The following UNC5C variants were observed in gnomAD, a reference collection of about 807,000 sequenced individuals.
UNC5C encodes the protein unc-5 netrin receptor C.
Under a neutral mutation model 99.8 loss-of-function variants are expected in UNC5C, and 47 were observed. That is an observed-to-expected ratio of 0.47 (90% CI 0.37 to 0.60). The LOEUF is 0.60. Among genes scored for constraint, UNC5C ranks in the 20% least tolerant of loss-of-function variants. The pLI is 0.00. For synonymous variants in UNC5C, 487 were observed against 452.2 expected (o/e 1.08, Z -0.98); for missense variants, 1,062 against 1,165.9 (o/e 0.91, Z 1.30).
At chr4:95,548,115 G>C (rs921362817) in intron 1 of UNC5C, among the ~76,000 whole-genome samples, 1 of 152,098 alleles carries the variant, frequency 6.6e-6, no homozygotes, top group African/African-American at 2.4e-5. Flanking sequence ...GCACATCCCG[G>C]GCCTGCCTCC....
At chr4:95,378,440 T>G (rs12644448) in intron 1 of UNC5C, among the ~76,000 whole-genome samples, 72,957 of 151,956 alleles carry the variant, frequency 0.48, 18,379 homozygotes, top group East Asian at 0.78. Flanking sequence ...TGGCTGATGA[T>G]CATTTCAGAA....
intron 1 of UNC5C, among the ~76,000 whole-genome samples, chr4:95,390,444 T>C (rs1356374157): frequency 6.6e-6 from 1 of 151,000 alleles, no homozygotes; most frequent in Non-Finnish European, 1.5e-5. Context: ...TGGTGTTCTA[T>C]TTTAGACTAC....
chr4:95,524,651 G>C (rs1037069452), intron 1 of UNC5C, among the ~76,000 whole-genome samples: 2 of 152,176 alleles, frequency 1.3e-5, no homozygotes, highest in Non-Finnish European at 2.9e-5. Context: ...AGCAGAATCT[G>C]TTGTACTACA....
chr4:95,548,877 G>T lies in UNC5C; in HGVS notation c.-20C>A. On this transcript the variant is annotated 5_prime_UTR_variant, in exon 1 of 16. Coordinates refer to ENST00000453304, the MANE Select transcript of UNC5C (RefSeq NM_003728.4). Reference sequence around the variant, plus strand: ...CCTCATCGTAGACAGAGGTGTGCCGGGGGGAGGGGAGGGGGACAGAGAGAC... The same window carrying T: ...CCTCATCGTAGACAGAGGTGTGCCGTGGGGAGGGGAGGGGGACAGAGAGAC... 2 of 1,611,826 alleles carry T rather than the reference G, an allele frequency of 1.2e-6. No homozygotes were observed. Among genetic ancestry groups the T allele is most frequent in the Non-Finnish European group, 1.7e-6 (2 of 1,179,386 alleles).
intron 1 of UNC5C, among the ~76,000 whole-genome samples, chr4:95,476,990 ATTGT>A (rs1373978212): frequency 2.0e-5 from 3 of 152,072 alleles, no homozygotes; most frequent in African/African-American, 4.8e-5. Context: ...CTGAATTATG[ATTGT>A]TTGTGACTAT....
chr4:95,506,755 T>A (rs1217889739), intron 1 of UNC5C, among the ~76,000 whole-genome samples: 1 of 151,854 alleles, frequency 6.6e-6, no homozygotes, highest in Non-Finnish European at 1.5e-5. Context: ...TTCATATATA[T>A]ACACACAATA....
intron 13 of UNC5C, among the ~76,000 whole-genome samples, chr4:95,184,432 A>ATT (rs1736749902): frequency 1.3e-5 from 2 of 152,218 alleles, no homozygotes; most frequent in Non-Finnish European, 2.9e-5. Flanking sequence ...AGGATGGCAT[A>ATT]TGAGGCTTGC....
intron 1 of UNC5C, among the ~76,000 whole-genome samples, chr4:95,540,789 A>C (rs537979506): frequency 1.3e-5 from 2 of 152,314 alleles, no homozygotes; most frequent in South Asian, 4.1e-4. Flanking sequence ...ACCATTATTT[A>C]CTTTGTATTT....
intron 2 of UNC5C, among the ~76,000 whole-genome samples, chr4:95,318,435 T>A (rs571876570): frequency 2.0e-5 from 3 of 152,310 alleles, no homozygotes; most frequent in Non-Finnish European, 4.4e-5. Flanking sequence ...TTTCTGTTGT[T>A]TTAAGCCTAG....
rs548670406 is a variant in UNC5C, at chr4:95,446,004, T to TG, written c.124+102729dup. 7.2e-3 allele frequency among the ~76,000 whole-genome samples: 1,088 copies of TG among 151,132 alleles called. 7 individuals carry two copies. Among genetic ancestry groups the TG allele is most frequent in the African/African-American group, 0.021 (868 of 41,122 alleles). On this transcript the variant is annotated intron_variant, in intron 1 of 15. Coordinates refer to ENST00000453304, the MANE Select transcript of UNC5C (RefSeq NM_003728.4). ...AAACAAACAAACAAAAAAAACAACG[T>TG]GGGGGGGTGGAGTGGTTTTTATAAA...
At chr4:95,466,361 A>T (rs1295103366) in intron 1 of UNC5C, among the ~76,000 whole-genome samples, 1 of 152,194 alleles carries the variant, frequency 6.6e-6, no homozygotes, top group Non-Finnish European at 1.5e-5. Flanking sequence ...CTAAAAGCAG[A>T]TAATCAACAT....
chr4:95,500,504 T>C (rs1171639442), intron 1 of UNC5C, among the ~76,000 whole-genome samples: 1 of 152,134 alleles, frequency 6.6e-6, no homozygotes, highest in Non-Finnish European at 1.5e-5. Flanking sequence ...TCCTAACCTT[T>C]CTAAACATTG....
chr4:95,484,431 G>A (rs1397171761), intron 1 of UNC5C, among the ~76,000 whole-genome samples: 1 of 151,806 alleles, frequency 6.6e-6, no homozygotes, highest in East Asian at 2.0e-4. Context: ...CTCACGAGCA[G>A]GTATGCTTCC....
chr4:95,254,192 A>G (rs1739863054), intron 4 of UNC5C, among the ~76,000 whole-genome samples: 1 of 152,092 alleles, frequency 6.6e-6, no homozygotes, highest in African/African-American at 2.4e-5. Flanking sequence ...GTAGTTATTT[A>G]CAGACCTCTG....
chr4:95,201,749 G>GCT (rs1737669221), intron 12 of UNC5C, among the ~76,000 whole-genome samples: 2 of 151,868 alleles, frequency 1.3e-5, no homozygotes, highest in Non-Finnish European at 2.9e-5. Flanking sequence ...GACTACAGAT[G>GCT]CCTGCCATCA....
At chr4:95,261,326 T>C (rs2149386688) in intron 4 of UNC5C, among the ~76,000 whole-genome samples, 1 of 152,316 alleles carries the variant, frequency 6.6e-6, no homozygotes, top group East Asian at 1.9e-4. Flanking sequence ...AGGTTTACTT[T>C]CAGAACTAGC....
chr4:95,286,992 A>C (rs2149397902), intron 3 of UNC5C, among the ~76,000 whole-genome samples: 1 of 152,314 alleles, frequency 6.6e-6, no homozygotes, highest in South Asian at 2.1e-4. Flanking sequence ...GTGGACTGCT[A>C]CTTTGAGACC....
At chr4:95,403,675 T>C (rs1392353492) in intron 1 of UNC5C, among the ~76,000 whole-genome samples, 2 of 152,348 alleles carry the variant, frequency 1.3e-5, no homozygotes, top group East Asian at 1.9e-4. Flanking sequence ...CTGGTCTTTG[T>C]CCATCTCTAT....
intron 1 of UNC5C, among the ~76,000 whole-genome samples, chr4:95,425,288 A>G (rs1170236456): frequency 6.6e-6 from 1 of 152,252 alleles, no homozygotes; most frequent in Non-Finnish European, 1.5e-5. Context: ...TGTTAAAAGT[A>G]TAATTGTTAG....
Sources: allele counts gnomAD v4.1 joint callset (sites outside exome capture counted in the v4.1 genomes callset), GRCh38; gene constraint gnomAD v4.1.1; transcripts MANE v1.5; gene names NCBI Gene and HGNC (gene_info 2026-07-23, HGNC 2026-07-21).